PTPN14: variants seen among roughly 807,000 people sequenced by gnomAD.
PTPN14 encodes protein tyrosine phosphatase non-receptor type 14, also known as tyrosine-protein phosphatase non-receptor type 14.
In PTPN14, 53 loss-of-function variants were observed where a neutral mutation model predicts 126.8. The observed-to-expected ratio is 0.42, with a 90% CI of 0.34 to 0.53. The LOEUF (loss-of-function observed/expected upper bound fraction) is 0.53. Ranked by LOEUF, PTPN14 falls within the 20% of genes least tolerant of loss-of-function variation. The pLI is 0.08. For missense variants in PTPN14, 1,257 were observed against 1,552.9 expected (o/e 0.81, Z 3.20); for synonymous variants, 630 against 599.3 (o/e 1.05, Z -0.75).
At chr1:214,534,245 T>G (rs1354282256) in intron 1 of PTPN14, among the ~76,000 whole-genome samples, 1 of 152,176 alleles carries the variant, frequency 6.6e-6, no homozygotes, top group African/African-American at 2.4e-5. Flanking sequence ...AATTCTTGCC[T>G]CTAACCCACA....
chr1:214,504,793 G>C (rs1315024288), intron 1 of PTPN14, among the ~76,000 whole-genome samples: 1 of 152,068 alleles, frequency 6.6e-6, no homozygotes, highest in East Asian at 1.9e-4. Flanking sequence ...TCCTGCAGGA[G>C]GTAAGGTAAC....
intron 3 of PTPN14, among the ~76,000 whole-genome samples, chr1:214,418,658 C>T (rs927317366): frequency 1.3e-5 from 2 of 152,266 alleles, no homozygotes; most frequent in Admixed American, 6.5e-5. Context: ...CCAAGCTTTT[C>T]TCCACCCCTA....
At chr1:214,440,906 G>A (rs1660024228) in intron 3 of PTPN14, among the ~76,000 whole-genome samples, 1 of 152,124 alleles carries the variant, frequency 6.6e-6, no homozygotes, top group African/African-American at 2.4e-5. Flanking sequence ...AAATGATCCT[G>A]GTGAAACAAA....
chr1:214,394,849 C>G (rs371283105), intron 9 of PTPN14, 50 bp downstream of exon 9: 2 of 1,526,524 alleles, frequency 1.3e-6, no homozygotes, highest in African/African-American at 2.7e-5. Context: ...GTTGAAAAGT[C>G]CAAAAGCCAG....
intron 17 of PTPN14, among the ~76,000 whole-genome samples, chr1:214,366,729 G>A (rs533110074): frequency 6.6e-5 from 10 of 152,116 alleles, no homozygotes; most frequent in Middle Eastern, 3.4e-3. Context: ...TGTATTGGCC[G>A]GGCGCGGTGG....
chr1:214,404,764 G>A (rs1215143321), intron 5 of PTPN14, among the ~76,000 whole-genome samples: 1 of 152,176 alleles, frequency 6.6e-6, no homozygotes, highest in Admixed American at 6.5e-5. Context: ...GGAGCGCCTT[G>A]TGTACTTGAC....
chr1:214,428,974 A>T (rs992477065), intron 3 of PTPN14, among the ~76,000 whole-genome samples: 3 of 152,198 alleles, frequency 2.0e-5, no homozygotes, highest in African/African-American at 7.2e-5. Context: ...TGCCATCTGA[A>T]GTTTCTTGTT....
rs76363905 is a variant in PTPN14 at position 214,443,938 on chromosome 1, C to T, written c.344+7867G>A. On this transcript the variant is annotated intron_variant, in intron 3 of 18. Transcript: ENST00000366956. ...ATAAACTTCTAGTAAATCAAATACA[C>T]GGAAATGAAATAAAAGCTGCTTGGA... 3.6e-3 allele frequency among the ~76,000 whole-genome samples: 542 copies of T among 152,224 alleles called. 3 individuals carry two copies. Among genetic ancestry groups the T allele is most frequent in the African/African-American group, 0.012 (502 of 41,520 alleles).
intron 17 of PTPN14, among the ~76,000 whole-genome samples, chr1:214,368,152 G>A (rs1658126502): frequency 6.6e-6 from 1 of 151,828 alleles, no homozygotes; most frequent in Non-Finnish European, 1.5e-5. Context: ...TAGGTCTTGT[G>A]AGATGCAAAC....
intron 13 of PTPN14, among the ~76,000 whole-genome samples, chr1:214,382,368 C>A (rs1380435288): frequency 6.6e-6 from 1 of 152,176 alleles, no homozygotes; most frequent in Non-Finnish European, 1.5e-5. Context: ...GTCATCCAGG[C>A]TGGAGTGCAG....
intron 5 of PTPN14, among the ~76,000 whole-genome samples, chr1:214,411,157 T>G (rs1423335157): frequency 1.3e-5 from 2 of 152,142 alleles, no homozygotes; most frequent in African/African-American, 4.8e-5. Flanking sequence ...AATTTTCACC[T>G]CCTCAGTTAA....
Position 214,376,430 on chromosome 1 carries a change from G to C in PTPN14, c.2696C>G (p.Thr899Ser). 2 of 1,611,092 alleles carry C rather than the reference G, an allele frequency of 1.2e-6. No individual in the cohort carries two copies. Among genetic ancestry groups the C allele is most frequent in the Non-Finnish European group, 1.7e-6 (2 of 1,177,560 alleles). ...TCCCTCTTCTAGTTTCTTCTTCAGGGTTCTGAACTGCAACAGAAATTGATC... is the reference window on the plus strand; with the variant it reads ...TCCCTCTTCTAGTTTCTTCTTCAGGCTTCTGAACTGCAACAGAAATTGATC... ...TRVPMDERFR[T>S]LKKKLEEGMV... Residue 899 changes from threonine (T) to serine (S), a missense_variant, in exon 15 of 19, where the codon ACC (threonine) becomes AGC (serine). Physicochemically the swap from Thr to Ser is moderately conservative, Grantham distance 58. Coordinates refer to ENST00000366956, the MANE Select transcript of PTPN14 (RefSeq NM_005401.5).
rs778948538 is a variant in PTPN14 at position 214,376,308 on chromosome 1, G to A, written c.2818C>T (p.Arg940Cys). Residue 940 changes from arginine to cysteine, a missense_variant, in exon 15 of 19, where the codon CGT becomes TGT. Arg to Cys is a radical substitution (Grantham distance 180, BLOSUM62 -3). Coordinates refer to ENST00000366956, the MANE Select transcript of PTPN14 (RefSeq NM_005401.5). The stretch of plus-strand genomic sequence containing the variant: ...TTCTCCTCATAGGGGACAACTTCAC[G>A]GATTCGGCTGCGCTCGGCGTTTTCT... Reference protein sequence around the residue: ...LPENAERSRIREVVPYEENRV... With the variant: ...LPENAERSRICEVVPYEENRV... The A allele has an allele frequency of 9.9e-6, 16 of 1,614,040 alleles. No individual in the cohort carries two copies. The highest frequency in any genetic ancestry group is 6.7e-5 in the Admixed American group (4 of 59,994).
At chr1:214,447,439 C>G (rs1248736616) in intron 3 of PTPN14, among the ~76,000 whole-genome samples, 1 of 152,164 alleles carries the variant, frequency 6.6e-6, no homozygotes, top group Non-Finnish European at 1.5e-5. Flanking sequence ...CCTTTATTCT[C>G]TAGTCCATAA....
rs962923586 is a variant in PTPN14 at position 214,469,853 on chromosome 1, C to G, written c.-154-4896G>C. 3.3e-5 allele frequency among the ~76,000 whole-genome samples: 5 copies of G among 151,862 alleles called. No homozygotes were observed. The East Asian group carries it at 7.7e-4, about 23-fold the overall frequency. ...GGGGGTATGTGGGAAATCTTTAAGA[C>G]TTCCTTTCAATTTTTCTGTGAACCT... On this transcript the variant is annotated intron_variant, in intron 1 of 18. Coordinates refer to ENST00000366956, the MANE Select transcript of PTPN14 (RefSeq NM_005401.5).
Position 214,383,598 on chromosome 1 carries a change from G to T in PTPN14, c.2257C>A (p.Pro753Thr). 6.2e-7 allele frequency: 1 copy of T among 1,613,550 alleles called. No homozygotes were observed. Among genetic ancestry groups the T allele is most frequent in the Non-Finnish European group, 8.5e-7 (1 of 1,179,936 alleles). The part of the protein sequence containing the change: ...RIPNKPPPEY[P>T]GPRKSVSNGA... ...TTGCTCACACTCTTCCTTGGACCGG[G>T]GTACTCAGGCGGGGGCTTGTTGGGG... The change falls in exon 13 of 19, where the codon CCC (proline) becomes ACC (threonine). Residue 753 changes from proline (P) to threonine (T), a missense_variant. Coordinates refer to ENST00000366956, the MANE Select transcript of PTPN14 (RefSeq NM_005401.5). The surrounding 1 kb of genome is among the most constrained non-coding windows in gnomAD (Gnocchi z 4.4).
intron 17 of PTPN14, among the ~76,000 whole-genome samples, chr1:214,367,351 ACT>A (rs1301993403): frequency 2.0e-5 from 3 of 151,994 alleles, no homozygotes; most frequent in East Asian, 1.9e-4. Context: ...TCATCCTTCT[ACT>A]CTCTGCTTTC....
intron 1 of PTPN14, among the ~76,000 whole-genome samples, chr1:214,534,437 G>C (rs1238161870): frequency 2.0e-5 from 3 of 152,258 alleles, no homozygotes. Flanking sequence ...TTATTGGCCG[G>C]GCGCGGTGGC....
At chr1:214,532,421 G>A in intron 1 of PTPN14, 1 of 744,532 alleles carries the variant, frequency 1.3e-6, no homozygotes, top group East Asian at 2.8e-5. Context: ...TCCAGAACGA[G>A]AAGGAGACCA....
Sources: gnomAD v4.1 joint callset for allele counts (sites outside exome capture counted in the v4.1 genomes callset) on GRCh38, gnomAD v4.1.1 for gene constraint, Gnocchi (gnomAD v3.1) non-coding constraint, MANE v1.5 for transcripts, NCBI Gene and HGNC (gene_info 2026-07-23, HGNC 2026-07-21) for gene names.